GFRA1: variants seen among roughly 807,000 people sequenced by gnomAD.
The protein encoded by GFRA1 is GDNF family receptor alpha-1.
Under a neutral mutation model 51.6 loss-of-function variants are expected in GFRA1, and 16 were observed. The ratio of observed to expected loss-of-function variants is 0.31; its 90% CI spans 0.21 to 0.47. GFRA1 has a LOEUF of 0.47. Among genes scored for constraint, GFRA1 ranks in the 20% least tolerant of loss-of-function variants. The pLI, the probability that GFRA1 is intolerant of heterozygous loss-of-function variation, is 1.00. For missense variants in GFRA1, 530 were observed against 594.3 expected, an observed-to-expected ratio of 0.89 and a Z score of 1.13; for synonymous variants, 270 against 241.3, an observed-to-expected ratio of 1.12 and a Z score of -1.10.
intron 5 of GFRA1, among the ~76,000 whole-genome samples, chr10:116,128,662 C>T (rs1170264844): frequency 1.4e-5 from 2 of 140,200 alleles, no homozygotes; most frequent in East Asian, 4.3e-4. Flanking sequence ...GGAGGCAGAG[C>T]TTGCAGTGAG....
intron 5 of GFRA1, among the ~76,000 whole-genome samples, chr10:116,190,380 T>C (rs1360144851): frequency 6.6e-6 from 1 of 152,128 alleles, no homozygotes; most frequent in African/African-American, 2.4e-5. Flanking sequence ...CTTGCTGAAA[T>C]TCACAAAGAG....
At chr10:116,181,506 G>A (rs115498363) in intron 5 of GFRA1, among the ~76,000 whole-genome samples, 3,423 of 152,214 alleles carry the variant, frequency 0.022, 126 homozygotes, top group African/African-American at 0.076. Flanking sequence ...TCTTAGTTTA[G>A]TTATCTATAA....
At chr10:116,154,622 T>G (rs1959169183) in intron 5 of GFRA1, among the ~76,000 whole-genome samples, 1 of 152,220 alleles carries the variant, frequency 6.6e-6, no homozygotes, top group South Asian at 2.1e-4. Flanking sequence ...CTCCATTGGC[T>G]GGGCTTCAAC....
chr10:116,252,317 T>C (rs186855340), intron 4 of GFRA1, among the ~76,000 whole-genome samples: 2 of 152,190 alleles, frequency 1.3e-5, no homozygotes, highest in East Asian at 3.9e-4. Context: ...CTGCACTTTC[T>C]CTTAATGAAG....
At chr10:116,159,760 GC>G (rs1005649814) in intron 5 of GFRA1, among the ~76,000 whole-genome samples, 6 of 152,142 alleles carry the variant, frequency 3.9e-5, no homozygotes, top group Non-Finnish European at 2.9e-5. Context: ...TGGCGTGTGG[GC>G]CACAGGTGAC....
chr10:116,084,274 T>C (rs1297903388), intron 9 of GFRA1, among the ~76,000 whole-genome samples: 2 of 152,206 alleles, frequency 1.3e-5, no homozygotes, highest in African/African-American at 4.8e-5. Context: ...GGACCCTTCA[T>C]CTCTTTCATG....
In GFRA1 at chr10:116,131,442, A is replaced by G. The variant is rs140201929; in HGVS notation, c.434-5885T>C. Among the ~76,000 whole-genome samples, 16 of 152,270 alleles carry G rather than the reference A, an allele frequency of 1.1e-4. No individual in the cohort carries two copies. The East Asian group carries it at 3.1e-3, about 29-fold the overall frequency. ...AGAGAACTTGAACATATGTCCACAA[A>G]AGACTTGAACAAGAATATTATACCA... On this transcript the variant is annotated intron_variant, in intron 5 of 10. Transcript: ENST00000355422.
chr10:116,070,797 CT>C (rs1242722662), intron 9 of GFRA1, among the ~76,000 whole-genome samples: 1 of 131,432 alleles, frequency 7.6e-6, no homozygotes, highest in Non-Finnish European at 1.5e-5. Flanking sequence ...TGGATTTTGC[CT>C]ATTGACATCT....
At chr10:116,165,033 C>T (rs73370423) in intron 5 of GFRA1, among the ~76,000 whole-genome samples, 3,062 of 152,216 alleles carry the variant, frequency 0.02, 102 homozygotes, top group African/African-American at 0.07. Context: ...TTCTTAATAA[C>T]GTGTTATTGA....
chr10:116,213,277 A>T (rs1377022993), intron 4 of GFRA1, among the ~76,000 whole-genome samples: 1 of 152,262 alleles, frequency 6.6e-6, no homozygotes. Context: ...GGCAATAAGG[A>T]ATCAAGCCAA....
intron 5 of GFRA1, among the ~76,000 whole-genome samples, chr10:116,198,493 C>G (rs549910950): frequency 6.6e-6 from 1 of 152,180 alleles, no homozygotes; most frequent in Admixed American, 6.5e-5. Flanking sequence ...TTACACTGTA[C>G]CCATGGATTT....
chr10:116,163,866 T>A (rs1960095267), intron 5 of GFRA1, among the ~76,000 whole-genome samples: 1 of 152,172 alleles, frequency 6.6e-6, no homozygotes, highest in African/African-American at 2.4e-5. Context: ...AGGGTCTGTG[T>A]CCCCGAGTTT....
chr10:116,115,433 G>C (rs1179627659), intron 6 of GFRA1, among the ~76,000 whole-genome samples: 2 of 152,070 alleles, frequency 1.3e-5, no homozygotes, highest in African/African-American at 2.4e-5. Context: ...CCTGGGGTGA[G>C]ATGAGCCCAT....
intron 5 of GFRA1, among the ~76,000 whole-genome samples, chr10:116,194,810 C>G (rs1963596363): frequency 6.6e-6 from 1 of 152,180 alleles, no homozygotes; most frequent in African/African-American, 2.4e-5. Flanking sequence ...TAATTCCCCA[C>G]ACAGACTGAG....
chr10:116,206,149 C>T (rs375337300), intron 5 of GFRA1, among the ~76,000 whole-genome samples: 3 of 152,254 alleles, frequency 2.0e-5, no homozygotes, highest in South Asian at 4.2e-4. Flanking sequence ...TTCTCATTTC[C>T]TAGTTTGCCA....
At chr10:116,098,874 G>A (rs1459191380) in intron 6 of GFRA1, among the ~76,000 whole-genome samples, 1 of 152,192 alleles carries the variant, frequency 6.6e-6, no homozygotes, top group Non-Finnish European at 1.5e-5. Flanking sequence ...GCATAGCCCC[G>A]ATTGGGAGGA....
At chr10:116,065,318 G>C (rs944309126) in intron 10 of GFRA1, among the ~76,000 whole-genome samples, 4 of 152,224 alleles carry the variant, frequency 2.6e-5, no homozygotes, top group African/African-American at 9.6e-5. Flanking sequence ...TGATCACAGA[G>C]AGGCTCAGGG....
At chr10:116,232,009 GGA>G (rs2134570542) in intron 4 of GFRA1, among the ~76,000 whole-genome samples, 1 of 152,252 alleles carries the variant, frequency 6.6e-6, no homozygotes, top group East Asian at 1.9e-4. Flanking sequence ...AGGGCAAAGA[GGA>G]GAGAAAGAAA....
intron 5 of GFRA1, among the ~76,000 whole-genome samples, chr10:116,146,123 C>G (rs919116012): frequency 2.0e-5 from 3 of 151,668 alleles, no homozygotes; most frequent in Non-Finnish European, 4.4e-5. Context: ...ATAATTTTAT[C>G]TTTTTCATAC....
Sources: gnomAD v4.1 joint callset for allele counts (sites outside exome capture counted in the v4.1 genomes callset) on GRCh38, gnomAD v4.1.1 for gene constraint, MANE v1.5 for transcripts, NCBI Gene and HGNC (gene_info 2026-07-23, HGNC 2026-07-21) for gene names.